The following RRM2 variants were observed in gnomAD, a reference collection of about 807,000 sequenced individuals.
RRM2 encodes ribonucleoside-diphosphate reductase subunit M2.
In RRM2, 6 loss-of-function variants were observed where a neutral mutation model predicts 45.9. The observed-to-expected ratio is 0.13, with a 90% CI of 0.07 to 0.26. The LOEUF (loss-of-function observed/expected upper bound fraction) is 0.26. Among genes scored for constraint, RRM2 ranks in the 10% least tolerant of loss-of-function variants. The pLI is 1.00. For synonymous variants in RRM2, 177 were observed against 173.0 expected, an observed-to-expected ratio of 1.02 and a Z score of -0.18; for missense variants, 343 against 489.5, an observed-to-expected ratio of 0.70 and a Z score of 2.82.
At chr2:10,189,526 C>T (rs978661692) in intron 3 of RRM2, among the ~76,000 whole-genome samples, 1 of 152,228 alleles carries the variant, frequency 6.6e-6, no homozygotes, top group Non-Finnish European at 1.5e-5. Context: ...CTGCCCCTTG[C>T]TGGGGTGGAA....
intron 3 of RRM2, among the ~76,000 whole-genome samples, chr2:10,207,469 C>T (rs908732237): frequency 6.6e-6 from 1 of 152,162 alleles, no homozygotes; most frequent in African/African-American, 2.4e-5. Context: ...GGGATAAAAA[C>T]AAGACAAAAA....
chr2:10,189,528 G>A (rs982871879), intron 3 of RRM2, among the ~76,000 whole-genome samples: 8 of 152,218 alleles, frequency 5.3e-5, no homozygotes, highest in African/African-American at 1.9e-4. Flanking sequence ...GCCCCTTGCT[G>A]GGGTGGAAGC....
intron 3 of RRM2, among the ~76,000 whole-genome samples, chr2:10,148,214 C>T (rs1663232868): frequency 6.7e-6 from 1 of 149,864 alleles, no homozygotes; most frequent in Admixed American, 6.7e-5. Flanking sequence ...TTCTTTTCTT[C>T]CCAATTTTTG....
chr2:10,130,930 A>G lies in RRM2; in HGVS notation c.*1544A>G, dbSNP rs1298778537. 1.3e-5 allele frequency: 2 copies of G among 152,102 alleles called. No homozygotes were observed. The highest frequency in any genetic ancestry group is 4.8e-5 in the African/African-American group (2 of 41,424). The allele number at this position is 152,102 out of a possible 1,614,324, so 9.4% of individuals were successfully genotyped here. ...CAGGCGTGATAAACAAATATTCTTA[A>G]TAGGGCTACTTTGAATTAATCTGCC... On this transcript the variant is annotated 3_prime_UTR_variant, in exon 10 of 10. Transcript: ENST00000304567.
At chr2:10,142,322 T>C in exon 3 of RRM2, 1 of 1,389,234 alleles carries the variant, frequency 7.2e-7, no homozygotes. Context: ...CTTCTGCGTG[T>C]CAGGTGTTAC....
rs1662800277 is a variant in RRM2 at position 10,127,300 on chromosome 2, T to G, written c.798+80T>G. The G allele has an allele frequency of 1.1e-5, 16 of 1,444,628 alleles. No individual in the cohort carries two copies. Among genetic ancestry groups the G allele is most frequent in the Non-Finnish European group, 1.5e-5 (16 of 1,051,234 alleles). The allele number at this position is 1,444,628 out of a possible 1,614,324, so 89.5% of individuals were successfully genotyped here. On this transcript the variant is annotated intron_variant, in intron 7 of 9. Coordinates refer to ENST00000304567, the MANE Select transcript of RRM2 (RefSeq NM_001034.4). The surrounding 1 kb of genome is among the most constrained non-coding windows in gnomAD (Gnocchi z 4.1). Reference sequence around the variant, plus strand: ...GCTCTTGTGTTCACTGACGGGGACCTGAGATGCTAGATGGCATATATCCAC... The same window carrying G: ...GCTCTTGTGTTCACTGACGGGGACCGGAGATGCTAGATGGCATATATCCAC...
At chr2:10,179,636 C>T (rs549827083) in intron 3 of RRM2, among the ~76,000 whole-genome samples, 3 of 152,276 alleles carry the variant, frequency 2.0e-5, no homozygotes, top group South Asian at 2.1e-4. Flanking sequence ...GGTTACTTCC[C>T]GACGAACCCA....
At chr2:10,166,075 C>A (rs781572966) in intron 3 of RRM2, among the ~76,000 whole-genome samples, 11 of 152,220 alleles carry the variant, frequency 7.2e-5, no homozygotes, top group African/African-American at 1.4e-4. Flanking sequence ...CTGGACGGTC[C>A]TTCTGCCCCG....
chr2:10,191,462 TGAGTAGCCAGTGGGTGA>T (rs1206108124), intron 3 of RRM2, among the ~76,000 whole-genome samples: 1 of 151,986 alleles, frequency 6.6e-6, no homozygotes, highest in East Asian at 1.9e-4. Flanking sequence ...CAGGTGGCAG[TGAGTAGCCAGTGGGTGA>T]GACCCAGAGA....
Position 10,185,684 on chromosome 2 carries a change from A to G in RRM2, n.483-24627A>G, listed in dbSNP as rs987510004. Among the ~76,000 whole-genome samples, 2 of 152,166 alleles carry G rather than the reference A, an allele frequency of 1.3e-5. No homozygotes were observed. Among genetic ancestry groups the G allele is most frequent in the Non-Finnish European group, 2.9e-5 (2 of 68,030 alleles). On this transcript the variant is annotated intron_variant and non_coding_transcript_variant, in intron 3 of 3. Transcript: ENST00000381786. This position sits in a 1 kb window ranked among gnomAD's most constrained non-coding sequence, Gnocchi z 4.3. ...GGATGAGAAATTCTTACAAATGTAT[A>G]TTTTTTGTGCCCCTGTGTCTCCCCT...
At chr2:10,186,138 G>T (rs1664158657) in intron 3 of RRM2, among the ~76,000 whole-genome samples, 1 of 152,124 alleles carries the variant, frequency 6.6e-6, no homozygotes. Context: ...TTGATATATT[G>T]ACTTAGAGCT....
chr2:10,206,062 T>C (rs1664658511), intron 3 of RRM2, among the ~76,000 whole-genome samples: 1 of 151,896 alleles, frequency 6.6e-6, no homozygotes, highest in Non-Finnish European at 1.5e-5. Context: ...CTGGCTAACA[T>C]GGTGAAACCC....
chr2:10,163,678 C>T (rs1663617012), intron 3 of RRM2, among the ~76,000 whole-genome samples: 1 of 152,246 alleles, frequency 6.6e-6, no homozygotes, highest in Admixed American at 6.5e-5. Context: ...CAGCCAGGCG[C>T]GAGCCTCGGT....
chr2:10,188,115 G>T (rs990372076), intron 3 of RRM2, among the ~76,000 whole-genome samples: 1 of 152,152 alleles, frequency 6.6e-6, no homozygotes, highest in Non-Finnish European at 1.5e-5. Context: ...CTTCCCTGAG[G>T]ACCCCGAGCT....
At chr2:10,124,565 CAT>C in intron 4 of RRM2, 150 bp from the exon 5 acceptor site, 4 of 804,874 alleles carry the variant, frequency 5.0e-6, no homozygotes, top group East Asian at 2.7e-5. Flanking sequence ...GAGCATATGA[CAT>C]AAAATATCAA....
intron 3 of RRM2, among the ~76,000 whole-genome samples, chr2:10,168,973 T>C (rs1663737672): frequency 6.6e-6 from 1 of 151,848 alleles, no homozygotes; most frequent in Non-Finnish European, 1.5e-5. Flanking sequence ...ATTATTATAA[T>C]ATTTATTTAT....
At chr2:10,122,949 A>G in intron 1 of RRM2, 34 bp from the exon 2 acceptor site, 1 of 1,546,816 alleles carries the variant, frequency 6.5e-7, no homozygotes, top group Non-Finnish European at 8.7e-7. Context: ...AGGGAAAGCG[A>G]AGCCGCTCCT....
chr2:10,140,175 A>T (rs1450676602), upstream of RRM2, among the ~76,000 whole-genome samples: 2 of 152,134 alleles, frequency 1.3e-5, no homozygotes, highest in African/African-American at 2.4e-5. Context: ...TGAATCCGGG[A>T]GGCGGAGGTT....
intron 3 of RRM2, among the ~76,000 whole-genome samples, chr2:10,181,754 CTTTT>C (rs869117515): frequency 3.5e-5 from 2 of 57,262 alleles, no homozygotes; most frequent in Non-Finnish European, 7.7e-5. Context: ...CTCTCTCTCT[CTTTT>C]TTTTTTTTTT....
Sources: allele counts gnomAD v4.1 joint callset (sites outside exome capture counted in the v4.1 genomes callset), GRCh38; gene constraint gnomAD v4.1.1; non-coding constraint Gnocchi (gnomAD v3.1); transcripts MANE v1.5; gene names NCBI Gene and HGNC (gene_info 2026-07-23, HGNC 2026-07-21).